CCDC186: variants seen among roughly 807,000 people sequenced by gnomAD.
CCDC186 encodes coiled-coil domain-containing protein 186.
Under a neutral mutation model 113.7 loss-of-function variants are expected in CCDC186, and 49 were observed. That is an observed-to-expected ratio of 0.43 (90% confidence interval 0.34 to 0.55). The LOEUF (loss-of-function observed/expected upper bound fraction) is 0.55, where lower values mean the gene tolerates loss of function less well. CCDC186 is among the 20% of genes least tolerant of loss of function. The pLI is 0.02. For synonymous variants in CCDC186, 355 were observed against 345.8 expected, an observed-to-expected ratio of 1.03 and a Z score of -0.30; for missense variants, 890 against 1,011.1, an observed-to-expected ratio of 0.88 and a Z score of 1.62.
At chr10:114,148,981 A>C (rs1469635704) in intron 4 of CCDC186, among the ~76,000 whole-genome samples, 1 of 152,276 alleles carries the variant, frequency 6.6e-6, no homozygotes, top group Non-Finnish European at 1.5e-5. Flanking sequence ...CAATAGATGA[A>C]AGATAAACAA....
chr10:114,125,289 T>C, intron 15 of CCDC186, 63 bp from the exon 16 acceptor site: 4 of 1,274,588 alleles, frequency 3.1e-6, no homozygotes, highest in Non-Finnish European at 3.3e-6. Flanking sequence ...ATAAAACAAT[T>C]CAGTTTGAAC....
intron 9 of CCDC186, among the ~76,000 whole-genome samples, chr10:114,135,615 T>G (rs1238083661): frequency 6.6e-6 from 1 of 152,194 alleles, no homozygotes; most frequent in African/African-American, 2.4e-5. Flanking sequence ...TTGATGAGAC[T>G]GCCTTTAGAT....
intron 10 of CCDC186, 87 bp from the exon 11 acceptor site, chr10:114,132,271 C>T (rs1187826167): frequency 1.1e-6 from 1 of 945,128 alleles, no homozygotes; most frequent in Non-Finnish European, 1.5e-6. Flanking sequence ...TAGTCAAATG[C>T]TTAATAAAGG....
At chr10:114,157,114 C>T (rs1384103847) in intron 3 of CCDC186, among the ~76,000 whole-genome samples, 1 of 151,306 alleles carries the variant, frequency 6.6e-6, no homozygotes, top group Non-Finnish European at 1.5e-5. Context: ...AAATGCCATG[C>T]AATTCTCTGC....
chr10:114,167,657 C>G (rs2032374985), intron 1 of CCDC186, among the ~76,000 whole-genome samples: 1 of 151,748 alleles, frequency 6.6e-6, no homozygotes, highest in South Asian at 2.1e-4. Context: ...CATTAGTTGG[C>G]AAGATTATTT....
At chr10:114,147,648 G>A (rs997469886) in intron 4 of CCDC186, among the ~76,000 whole-genome samples, 4 of 152,162 alleles carry the variant, frequency 2.6e-5, no homozygotes, top group Non-Finnish European at 4.4e-5. Flanking sequence ...TTCTGTCATG[G>A]TAATAAGTTG....
intron 1 of CCDC186, among the ~76,000 whole-genome samples, chr10:114,167,780 T>C (rs952921516): frequency 1.6e-5 from 1 of 63,434 alleles, no homozygotes; most frequent in South Asian, 5.3e-4. Context: ...CTGGGCAACA[T>C]AACAAGACCT....
chr10:114,154,048 A>G (rs2031935369), intron 3 of CCDC186, among the ~76,000 whole-genome samples: 1 of 151,696 alleles, frequency 6.6e-6, no homozygotes, highest in African/African-American at 2.4e-5. Context: ...CATCTCCACA[A>G]AAAAATACAA....
At chr10:114,131,431 A>C in intron 11 of CCDC186, 95 bp from the exon 12 acceptor site, 1 of 1,048,322 alleles carries the variant, frequency 9.5e-7, no homozygotes, top group Admixed American at 3.0e-5. Flanking sequence ...GGTTCTTGAC[A>C]GTGGAGATTC....
chr10:114,155,724 G>T (rs1433540186), intron 3 of CCDC186, among the ~76,000 whole-genome samples: 1 of 151,894 alleles, frequency 6.6e-6, no homozygotes, highest in Non-Finnish European at 1.5e-5. Context: ...TTACAAACAA[G>T]TGAGTTTATT....
rs1351629753 is a variant in CCDC186 at position 114,123,564 on chromosome 10, C to T, written c.*1579G>A. 1 of 151,996 alleles carries T rather than the reference C, an allele frequency of 6.6e-6. No individual in the cohort carries two copies. The highest frequency in any genetic ancestry group is 2.4e-5 in the African/African-American group (1 of 41,394). 9.4% of individuals were successfully genotyped at this position (151,996 alleles called of 1,614,324 possible). Reference sequence around the variant, plus strand: ...TCCCTTAATGGGAGAAAAAGGGATGCAAAAATCCAAACCAAACAAGGCTTG... The same window carrying T: ...TCCCTTAATGGGAGAAAAAGGGATGTAAAAATCCAAACCAAACAAGGCTTG... On this transcript the variant is annotated 3_prime_UTR_variant, in exon 16 of 16. Transcript: ENST00000369287.
At chr10:114,167,026 T>TG (rs2032355308) in intron 1 of CCDC186, among the ~76,000 whole-genome samples, 1 of 151,362 alleles carries the variant, frequency 6.6e-6, no homozygotes, top group Non-Finnish European at 1.5e-5. Context: ...TTTTTTTTTT[T>TG]TTTTTTTTTT....
chr10:114,133,054 G>T (rs186264586), intron 10 of CCDC186, among the ~76,000 whole-genome samples: 3 of 152,328 alleles, frequency 2.0e-5, no homozygotes, highest in East Asian at 3.9e-4. Flanking sequence ...GGAAATCAAT[G>T]AAGAGTTTTG....
rs372192215 is a variant in CCDC186 at position 114,145,708 on chromosome 10, T to G, written c.942A>C (p.Lys314Asn). Residue 314 changes from lysine (K) to asparagine (N), a missense_variant, in exon 5 of 16, where the codon AAA becomes AAC. Lys to Asn is a moderately conservative substitution (Grantham distance 94, BLOSUM62 0). Coordinates refer to ENST00000369287, the MANE Select transcript of CCDC186 (RefSeq NM_018017.4). ...AAGATTCCTTCTCACCTCTTACATA[T>G]TTCATTACCATTGCTTCTTTTTCTT... ...ARQEKEAMVM[K>N]YVRGEKESLD... 1 of 1,607,608 alleles carries G rather than the reference T, an allele frequency of 6.2e-7. No individual in the cohort carries two copies. The highest frequency in any genetic ancestry group is 1.3e-5 in the African/African-American group (1 of 74,554).
chr10:114,135,208 C>A (rs1370158251), intron 9 of CCDC186, among the ~76,000 whole-genome samples, 153 bp from the exon 10 acceptor site: 2 of 152,072 alleles, frequency 1.3e-5, no homozygotes, highest in African/African-American at 4.8e-5. Context: ...AGCTTTTAGT[C>A]TCAGATTTCT....
chr10:114,154,381 C>T (rs547244987), intron 3 of CCDC186, among the ~76,000 whole-genome samples: 3 of 151,886 alleles, frequency 2.0e-5, no homozygotes, highest in Non-Finnish European at 4.4e-5. Flanking sequence ...GACATTACTA[C>T]TGACCTTATA....
At chr10:114,149,732 CGAAG>C (rs2031772761) in intron 4 of CCDC186, among the ~76,000 whole-genome samples, 6 of 98,750 alleles carry the variant, frequency 6.1e-5, no homozygotes, top group Admixed American at 3.2e-4. Flanking sequence ...GAGGAAGGGA[CGAAG>C]GAAGGAAGGC....
At chr10:114,133,218 T>C (rs1279407260) in intron 10 of CCDC186, among the ~76,000 whole-genome samples, 1 of 152,158 alleles carries the variant, frequency 6.6e-6, no homozygotes, top group Non-Finnish European at 1.5e-5. Context: ...AAAAAGTGAA[T>C]GGACTTGACA....
chr10:114,144,315 G>C (rs2031566465), intron 6 of CCDC186, among the ~76,000 whole-genome samples, 182 bp downstream of exon 6: 1 of 151,694 alleles, frequency 6.6e-6, no homozygotes, highest in South Asian at 2.1e-4. Context: ...CAAATATTCA[G>C]GTCCAAACTA....
Sources: allele counts gnomAD v4.1 joint callset (sites outside exome capture counted in the v4.1 genomes callset), GRCh38; gene constraint gnomAD v4.1.1; transcripts MANE v1.5; gene names NCBI Gene and HGNC (gene_info 2026-07-23, HGNC 2026-07-21).